The following TMCC2 variants were observed in gnomAD, a reference collection of about 807,000 sequenced individuals.
TMCC2 encodes the protein transmembrane and coiled-coil domains protein 2.
In TMCC2, 16 loss-of-function variants were observed where a neutral mutation model predicts 49.4. The observed-to-expected ratio is 0.32, with a 90% CI of 0.22 to 0.49. The LOEUF is 0.49. Among genes scored for constraint, TMCC2 ranks in the 20% least tolerant of loss-of-function variants. The probability of loss-of-function intolerance (pLI) is 0.99; values close to 1 mark genes in which losing one functional copy is unlikely to be tolerated. For synonymous variants in TMCC2, 397 were observed against 434.1 expected (o/e 0.91, Z 1.06); for missense variants, 762 against 989.8 (o/e 0.77, Z 3.09).
chr1:205,269,902 C>A lies in TMCC2; in HGVS notation c.1682+18C>A, dbSNP rs1256834159. The A allele has an allele frequency of 1.9e-6, 3 of 1,601,808 alleles. No homozygotes were observed. The highest frequency in any genetic ancestry group is 2.6e-6 in the Non-Finnish European group (3 of 1,172,934). On this transcript the variant is annotated intron_variant, in intron 3 of 4. Coordinates refer to ENST00000358024, the MANE Select transcript of TMCC2 (RefSeq NM_014858.4). ...CGCTACAGGTAGGTGCCTGCCCACC[C>A]CCTCCTGCAGCCCAGCCGGACGTGG...
At chr1:205,232,054 G>C (rs1659821019) in intron 1 of TMCC2, among the ~76,000 whole-genome samples, 1 of 152,168 alleles carries the variant, frequency 6.6e-6, no homozygotes, top group Non-Finnish European at 1.5e-5. Context: ...ATGGTGTTTA[G>C]TGACAGTTAG....
intron 1 of TMCC2, chr1:205,230,105 CAG>C (rs1309117599): frequency 9.1e-6 from 9 of 985,392 alleles, no homozygotes; most frequent in Non-Finnish European, 1.1e-5. Flanking sequence ...AGGAGCTCAC[CAG>C]AATAAGCCAA....
At chr1:205,229,771 T>C in intron 1 of TMCC2, 1 of 985,468 alleles carries the variant, frequency 1.0e-6, no homozygotes. Flanking sequence ...GAAAGAACTG[T>C]TCACATGGAG....
In TMCC2 at chr1:205,269,851, A is replaced by G. The variant is rs1661508718; in HGVS notation, c.1649A>G (p.Tyr550Cys). The G allele has an allele frequency of 1.9e-6, 3 of 1,613,922 alleles. No individual in the cohort carries two copies. The East Asian group carries it at 6.7e-5, about 36-fold the overall frequency. ...ACTCAGCTGCAGAGGGACTACACCTACATGACCCAGTGCCTGCAGGAGGAG... is the reference window on the plus strand; with the variant it reads ...ACTCAGCTGCAGAGGGACTACACCTGCATGACCCAGTGCCTGCAGGAGGAG... The part of the protein sequence containing the change: ...LKTQLQRDYT[Y>C]MTQCLQEERY... Residue 550 changes from tyrosine (Y) to cysteine (C), a missense_variant, in exon 3 of 5, where the codon TAC (tyrosine) becomes TGC (cysteine). Physicochemically the swap from Tyr to Cys is radical, Grantham distance 194. Around this residue, in one of 2 missense-constraint regions of TMCC2, gnomAD observed 440 missense variants for 636.7 expected, o/e 0.69. Coordinates refer to ENST00000358024, the MANE Select transcript of TMCC2 (RefSeq NM_014858.4).
intron 1 of TMCC2, chr1:205,233,939 T>C (rs1367828435): frequency 1.3e-5 from 2 of 152,026 alleles, no homozygotes; most frequent in African/African-American, 4.8e-5. Context: ...GAAGACAAGC[T>C]ACTTCATAAG....
intron 2 of TMCC2, among the ~76,000 whole-genome samples, chr1:205,253,826 G>T (rs1271822856): frequency 6.6e-6 from 1 of 152,222 alleles, no homozygotes; most frequent in Non-Finnish European, 1.5e-5. Flanking sequence ...ACTGTGGTTT[G>T]TGTATGCATG....
At chr1:205,257,407 C>G in intron 2 of TMCC2, 1 of 1,231,776 alleles carries the variant, frequency 8.1e-7, no homozygotes. Flanking sequence ...TTTCACCGGG[C>G]GGGGTGGAGT....
At position 205,269,730 on chromosome 1, in the gene TMCC2, T is replaced by C; in HGVS notation, c.1528T>C (p.Tyr510His). ...ALGSPKSNAL[Y>H]GAPGNLDALL... ...GGGGAGCCCTAAGTCCAATGCACTG[T>C]ATGGTGCTCCTGGAAACCTGGATGC... Residue 510 changes from tyrosine to histidine, a missense_variant, in exon 3 of 5, where the codon TAT becomes CAT. Physicochemically the swap from Tyr to His is moderately conservative, Grantham distance 83. Coordinates refer to ENST00000358024, the MANE Select transcript of TMCC2 (RefSeq NM_014858.4). The C allele has an allele frequency of 6.2e-7, 1 of 1,614,156 alleles. No homozygotes were observed. The highest frequency in any genetic ancestry group is 8.5e-7 in the Non-Finnish European group (1 of 1,180,016).
intron 2 of TMCC2, among the ~76,000 whole-genome samples, chr1:205,252,124 C>G (rs1660693546): frequency 6.6e-6 from 1 of 152,202 alleles, no homozygotes; most frequent in Non-Finnish European, 1.5e-5. Flanking sequence ...CTGCCTGGTA[C>G]AGATTTTGAT....
At chr1:205,229,559 T>TGGGGGG (rs1659706107) in intron 1 of TMCC2, 6 of 193,486 alleles carry the variant, frequency 3.1e-5, no homozygotes, top group African/African-American at 2.2e-4. Flanking sequence ...GGGGGGGGGG[T>TGGGGGG]GGTGGCGGGG....
chr1:205,238,015 C>G (rs1476849155), intron 1 of TMCC2, among the ~76,000 whole-genome samples: 1 of 152,230 alleles, frequency 6.6e-6, no homozygotes, highest in Non-Finnish European at 1.5e-5. Flanking sequence ...TCTGAAGCAT[C>G]TCAGCTCTCT....
intron 2 of TMCC2, chr1:205,267,991 T>C (rs999554202): frequency 3.0e-6 from 3 of 985,366 alleles, no homozygotes; most frequent in East Asian, 1.1e-4. Flanking sequence ...TCTCGGATAC[T>C]AGGAAGGACT....
Position 205,241,351 on chromosome 1 carries a change from T to C in TMCC2, c.208-154T>C, listed in dbSNP as rs1660254488. ...CACCTTTTCGCAAACTGACCCTTTA[T>C]GCACGACGGGCCATCCACAGAGATC... On this transcript the variant is annotated intron_variant, in intron 1 of 4. Transcript: ENST00000358024. The surrounding 1 kb of genome is among the most constrained non-coding windows in gnomAD (Gnocchi z 7.3). Among the ~76,000 whole-genome samples, 1 of 152,200 alleles carries C rather than the reference T, an allele frequency of 6.6e-6. No homozygotes were observed. The highest frequency in any genetic ancestry group is 2.1e-4 in the South Asian group (1 of 4,824).
At chr1:205,239,017 G>A (rs952638607) in intron 1 of TMCC2, among the ~76,000 whole-genome samples, 11 of 152,184 alleles carry the variant, frequency 7.2e-5, no homozygotes, top group Admixed American at 5.2e-4. Flanking sequence ...GGTGGCCACC[G>A]TAGCTCTCCC....
At chr1:205,242,184 G>C in intron 2 of TMCC2, 140 bp downstream of exon 2, 1 of 988,036 alleles carries the variant, frequency 1.0e-6, no homozygotes, top group Non-Finnish European at 1.4e-6. Flanking sequence ...ATCTACCTTG[G>C]TTAAAGGAGT....
intron 3 of TMCC2, among the ~76,000 whole-genome samples, chr1:205,270,639 C>T (rs539228605): frequency 3.9e-5 from 6 of 152,334 alleles, no homozygotes; most frequent in African/African-American, 1.4e-4. Flanking sequence ...GCTAACCACT[C>T]CTCACATAAC....
chr1:205,265,563 CTT>C (rs938828110), intron 2 of TMCC2, among the ~76,000 whole-genome samples: 14 of 139,438 alleles, frequency 1.0e-4, no homozygotes, highest in Admixed American at 2.8e-4. Context: ...ATTTTCTTTT[CTT>C]TTTTTTTTTT....
rs1660718621 is a variant in TMCC2, at chr1:205,252,815, T to C, written c.747+10771T>C. On this transcript the variant is annotated intron_variant, in intron 2 of 4. Transcript: ENST00000358024. ...TCAAAATGTGTGGTTTGTGATTTTT[T>C]TTTTTTTAAGAGAAAGAAAAGTAGG... 1.3e-5 allele frequency among the ~76,000 whole-genome samples: 2 copies of C among 151,926 alleles called. 1 individual carries two copies. Among genetic ancestry groups the C allele is most frequent in the Non-Finnish European group, 2.9e-5 (2 of 67,970 alleles).
At position 205,238,439 on chromosome 1, in the gene TMCC2, C is replaced by T. The variant is rs145369177; in HGVS notation, c.208-3066C>T. Reference sequence around the variant, plus strand: ...TCTTTGACTTCCTTTTTGTTATTTCCCTCCTGCCTGCCTCAGACTTTAATA... The same window carrying T: ...TCTTTGACTTCCTTTTTGTTATTTCTCTCCTGCCTGCCTCAGACTTTAATA... On this transcript the variant is annotated intron_variant, in intron 1 of 4. Transcript: ENST00000358024. Among the ~76,000 whole-genome samples the T allele has an allele frequency of 3.9e-3, 586 of 152,186 alleles. 2 individuals are homozygous for T. Among genetic ancestry groups the T allele is most frequent in the African/African-American group, 0.013 (554 of 41,524 alleles).
Sources: allele counts gnomAD v4.1 joint callset (sites outside exome capture counted in the v4.1 genomes callset), GRCh38; gene constraint gnomAD v4.1.1; regional missense constraint gnomAD v4.1.1; non-coding constraint Gnocchi (gnomAD v3.1); transcripts MANE v1.5; gene names NCBI Gene and HGNC (gene_info 2026-07-23, HGNC 2026-07-21).